The following ADGRB3 variants were observed in gnomAD, a reference collection of about 807,000 sequenced individuals.
ADGRB3 encodes the protein adhesion G protein-coupled receptor B3.
ADGRB3 carries 37 observed loss-of-function variants against 193.4 expected under a neutral mutation model. That is an observed-to-expected ratio of 0.19 (90% CI 0.15 to 0.25). The LOEUF (loss-of-function observed/expected upper bound fraction) is 0.25. Ranked by LOEUF, ADGRB3 falls within the 10% of genes least tolerant of loss-of-function variation. The probability of loss-of-function intolerance (pLI) is 1.00; values close to 1 mark genes in which losing one functional copy is unlikely to be tolerated. For missense variants in ADGRB3, 1,637 were observed against 1,852.9 expected (o/e 0.88, Z 2.14); for synonymous variants, 690 against 644.2 (o/e 1.07, Z -1.08).
chr6:68,919,765 A>C (rs1766984722), intron 3 of ADGRB3, among the ~76,000 whole-genome samples: 1 of 152,222 alleles, frequency 6.6e-6, no homozygotes, highest in Non-Finnish European at 1.5e-5. Flanking sequence ...CTTAAAAGGC[A>C]ATTGACTTTC....
At chr6:68,790,048 G>T (rs1767068626) in intron 3 of ADGRB3, among the ~76,000 whole-genome samples, 1 of 151,958 alleles carries the variant, frequency 6.6e-6, no homozygotes, top group African/African-American at 2.4e-5. Context: ...CTAGTTATCT[G>T]GTCGTCTAAT....
intron 30 of ADGRB3, among the ~76,000 whole-genome samples, chr6:69,382,114 G>A (rs1769960675): frequency 6.6e-6 from 1 of 151,848 alleles, no homozygotes; most frequent in Non-Finnish European, 1.5e-5. Context: ...AGAGAAAAGG[G>A]TGTAACCAGG....
intron 8 of ADGRB3, among the ~76,000 whole-genome samples, chr6:68,969,390 C>T (rs1768489879): frequency 6.6e-6 from 1 of 152,086 alleles, no homozygotes; most frequent in African/African-American, 2.4e-5. Context: ...GGAAAATTAA[C>T]TGTGTGGCTG....
intron 3 of ADGRB3, among the ~76,000 whole-genome samples, chr6:68,906,082 T>A (rs567319907): frequency 6.6e-6 from 1 of 152,064 alleles, no homozygotes; most frequent in Non-Finnish European, 1.5e-5. Flanking sequence ...AGTTTCTTTT[T>A]TTTTTCTTTT....
chr6:68,736,181 T>TA (rs35091867), intron 3 of ADGRB3, among the ~76,000 whole-genome samples: 103 of 145,972 alleles, frequency 7.1e-4, no homozygotes, highest in South Asian at 5.0e-3. Flanking sequence ...ACTGGCTAAT[T>TA]AAAAAAAAAA....
chr6:68,733,528 G>A lies in ADGRB3; in HGVS notation c.757+94096G>A, dbSNP rs183194527. Among the ~76,000 whole-genome samples, 10 of 151,850 alleles carry A rather than the reference G, an allele frequency of 6.6e-5. No homozygotes were observed. The East Asian group carries it at 1.8e-3, about 27-fold the overall frequency. On this transcript the variant is annotated intron_variant, in intron 3 of 31. Transcript: ENST00000370598. ...AAAGCATTGAAAACCTACCTTTTGA[G>A]TACTATATTCATTCCTGGGGAAATG...
rs368930393 is a variant in ADGRB3, at chr6:68,937,092, T to G, written c.1030+412T>G. 5.9e-5 allele frequency among the ~76,000 whole-genome samples: 9 copies of G among 152,314 alleles called. No homozygotes were observed. The East Asian group carries it at 1.4e-3, about 23-fold the overall frequency. ...TAGTCTGTCAGGCAGTCAGCAGTTT[T>G]TCTATCACTTATCTGACCCTATCAA... On this transcript the variant is annotated intron_variant, in intron 5 of 31. Coordinates refer to ENST00000370598, the MANE Select transcript of ADGRB3 (RefSeq NM_001704.3).
chr6:68,677,031 C>A (rs1769108224), intron 3 of ADGRB3, among the ~76,000 whole-genome samples: 2 of 152,164 alleles, frequency 1.3e-5, no homozygotes, highest in Non-Finnish European at 2.9e-5. Flanking sequence ...TTCCAGAAAT[C>A]TTAAAGAATT....
intron 20 of ADGRB3, among the ~76,000 whole-genome samples, chr6:69,290,332 G>A (rs1474877200): frequency 6.6e-6 from 1 of 152,106 alleles, no homozygotes; most frequent in Non-Finnish European, 1.5e-5. Flanking sequence ...AGCAGCCATC[G>A]CACAAAGGAG....
At chr6:68,747,847 ATACCCGTGACT>A (rs537325895) in intron 3 of ADGRB3, among the ~76,000 whole-genome samples, 2 of 152,296 alleles carry the variant, frequency 1.3e-5, no homozygotes, top group East Asian at 3.9e-4. Flanking sequence ...TGATAGAGAC[ATACCCGTGACT>A]TGGAAGAAAA....
chr6:69,341,513 G>A (rs912029900), intron 26 of ADGRB3, among the ~76,000 whole-genome samples: 1 of 152,128 alleles, frequency 6.6e-6, no homozygotes, highest in Non-Finnish European at 1.5e-5. Flanking sequence ...ACATTGCAAG[G>A]GGAGGAGAGT....
rs558507698 is a variant in ADGRB3, at chr6:69,261,884, A to G, written c.2814+22658A>G. 2.0e-5 allele frequency among the ~76,000 whole-genome samples: 3 copies of G among 152,182 alleles called. No homozygotes were observed. In the East Asian group the frequency reaches 5.8e-4, roughly 29 times the overall value. ...TTGGTATTTATTTATTAATACTAGA[A>G]TAAAAATAGGTTTATATAATATTTT... On this transcript the variant is annotated intron_variant, in intron 20 of 31. Transcript: ENST00000370598.
At chr6:69,190,564 A>G (rs1411598356) in intron 17 of ADGRB3, among the ~76,000 whole-genome samples, 1 of 152,150 alleles carries the variant, frequency 6.6e-6, no homozygotes, top group Admixed American at 6.6e-5. Context: ...ATAACTATGT[A>G]ACAAAGTAAG....
At chr6:68,893,432 A>G (rs1045275396) in intron 3 of ADGRB3, among the ~76,000 whole-genome samples, 2 of 151,896 alleles carry the variant, frequency 1.3e-5, no homozygotes, top group African/African-American at 2.4e-5. Flanking sequence ...AAAAAGAATT[A>G]TATATGAAAG....
intron 13 of ADGRB3, among the ~76,000 whole-genome samples, chr6:69,025,414 C>T (rs1003496978): frequency 5.9e-5 from 9 of 152,032 alleles, no homozygotes; most frequent in Non-Finnish European, 1.0e-4. Flanking sequence ...CTTTGTGTCG[C>T]TGCTTAGTTT....
At chr6:68,645,402 G>A (rs1288927939) in intron 3 of ADGRB3, among the ~76,000 whole-genome samples, 1 of 152,054 alleles carries the variant, frequency 6.6e-6, no homozygotes, top group East Asian at 1.9e-4. Context: ...AGTGCCTGTG[G>A]AAATTTCTTC....
chr6:69,213,586 T>TA (rs1480139641), intron 17 of ADGRB3, among the ~76,000 whole-genome samples: 2 of 152,226 alleles, frequency 1.3e-5, no homozygotes, highest in Non-Finnish European at 2.9e-5. Context: ...TCACAGGCTT[T>TA]ATTTAGACTC....
intron 15 of ADGRB3, among the ~76,000 whole-genome samples, chr6:69,059,771 T>C (rs1189588537): frequency 6.6e-6 from 1 of 152,140 alleles, no homozygotes; most frequent in Admixed American, 6.6e-5. Flanking sequence ...AAGGAAGCCA[T>C]TGCATAATGT....
At chr6:69,359,402 A>G (rs1769399477) in intron 28 of ADGRB3, among the ~76,000 whole-genome samples, 1 of 151,716 alleles carries the variant, frequency 6.6e-6, no homozygotes. Flanking sequence ...TTTATTATGT[A>G]TAACACTTAA....
Sources: gnomAD v4.1 joint callset for allele counts (sites outside exome capture counted in the v4.1 genomes callset) on GRCh38, gnomAD v4.1.1 for gene constraint, MANE v1.5 for transcripts, NCBI Gene and HGNC (gene_info 2026-07-23, HGNC 2026-07-21) for gene names.